The following MARCHF1 variants were observed in gnomAD, a reference collection of about 807,000 sequenced individuals.
The protein encoded by MARCHF1 is E3 ubiquitin-protein ligase MARCHF1.
MARCHF1 carries 40 observed loss-of-function variants against 54.2 expected under a neutral mutation model. The ratio of observed to expected loss-of-function variants is 0.74; its 90% CI spans 0.57 to 0.96. The LOEUF (loss-of-function observed/expected upper bound fraction) is 0.96. Ranked by LOEUF, MARCHF1 falls within the 40% of genes least tolerant of loss-of-function variation. MARCHF1 has a pLI of 0.00. For missense variants in MARCHF1, 586 were observed against 656.5 expected (o/e 0.89, Z 1.17); for synonymous variants, 236 against 236.3 (o/e 1.00, Z 0.01).
intron 5 of MARCHF1, among the ~76,000 whole-genome samples, chr4:163,669,661 C>A (rs1446281701): frequency 6.6e-6 from 1 of 150,640 alleles, no homozygotes; most frequent in Non-Finnish European, 1.5e-5. Flanking sequence ...TGCAATGGCA[C>A]AATCTTGGCT....
intron 1 of MARCHF1, among the ~76,000 whole-genome samples, chr4:164,342,473 A>C (rs1320475197): frequency 6.6e-6 from 1 of 151,988 alleles, no homozygotes; most frequent in East Asian, 1.9e-4. Flanking sequence ...ATGTATACAT[A>C]TGTAACAAAC....
At chr4:163,990,257 G>T (rs575424098) in intron 2 of MARCHF1, among the ~76,000 whole-genome samples, 13 of 151,986 alleles carry the variant, frequency 8.6e-5, no homozygotes, top group Non-Finnish European at 1.8e-4. Flanking sequence ...CATCCATCAA[G>T]ATCAGCTAGG....
At chr4:164,211,331 GTATATATA>G (rs10604337) in intron 1 of MARCHF1, among the ~76,000 whole-genome samples, 71 of 115,980 alleles carry the variant, frequency 6.1e-4, no homozygotes, top group African/African-American at 1.9e-3. Flanking sequence ...ATGTATGTAT[GTATATATA>G]TATATATATA....
rs33998703 is a variant in MARCHF1, at chr4:164,045,511, T to TTAAATAAATAAA, written c.-247-56814_-247-56803dup. 5.5e-3 allele frequency among the ~76,000 whole-genome samples: 795 copies of TTAAATAAATAAA among 145,422 alleles called. 11 individuals are homozygous for TTAAATAAATAAA. The highest frequency in any genetic ancestry group is 0.019 in the African/African-American group (736 of 39,250). On this transcript the variant is annotated intron_variant, in intron 2 of 9. Transcript: ENST00000514618. ...TGGGTGGTGGAGTGAGACTCCATCT[T>TTAAATAAATAAA]TAAATAAATAAATAAATAAATAAAT...
intron 1 of MARCHF1, among the ~76,000 whole-genome samples, chr4:164,277,668 T>C (rs537451994): frequency 1.9e-4 from 29 of 152,254 alleles, no homozygotes; most frequent in Non-Finnish European, 3.2e-4. Flanking sequence ...CCATTTATTA[T>C]ATGCTCACAT....
chr4:163,797,513 A>C (rs908898200), intron 4 of MARCHF1, among the ~76,000 whole-genome samples: 1 of 151,916 alleles, frequency 6.6e-6, no homozygotes, highest in Non-Finnish European at 1.5e-5. Flanking sequence ...CTCAGGATAG[A>C]TTGGTATATA....
intron 4 of MARCHF1, among the ~76,000 whole-genome samples, chr4:163,813,797 G>T (rs959721880): frequency 6.6e-6 from 1 of 152,172 alleles, no homozygotes; most frequent in African/African-American, 2.4e-5. Flanking sequence ...GAGAAGCTGA[G>T]TGTTGGGAGA....
chr4:163,737,952 A>C, intron 4 of MARCHF1, among the ~76,000 whole-genome samples: 1 of 76,492 alleles, frequency 1.3e-5, no homozygotes, highest in Admixed American at 1.3e-4. Flanking sequence ...CTAAAGACAC[A>C]TGCACACGTA....
chr4:163,670,576 T>C (rs1743702301), intron 5 of MARCHF1, among the ~76,000 whole-genome samples: 1 of 151,878 alleles, frequency 6.6e-6, no homozygotes, highest in South Asian at 2.1e-4. Context: ...CTTCTTGCTT[T>C]CTTTTCTTTT....
intron 2 of MARCHF1, among the ~76,000 whole-genome samples, chr4:164,038,444 G>T (rs1754057635): frequency 6.6e-6 from 1 of 152,192 alleles, no homozygotes; most frequent in African/African-American, 2.4e-5. Context: ...AGTGAGTGGA[G>T]ATTGTGCCAC....
chr4:163,546,941 T>C (rs949108761), intron 8 of MARCHF1, among the ~76,000 whole-genome samples: 3 of 152,228 alleles, frequency 2.0e-5, no homozygotes, highest in African/African-American at 7.2e-5. Flanking sequence ...TTTCTTTGCA[T>C]TCTTTCCATT....
At chr4:164,372,198 T>A (rs1027139701) in intron 1 of MARCHF1, among the ~76,000 whole-genome samples, 5 of 152,266 alleles carry the variant, frequency 3.3e-5, no homozygotes, top group African/African-American at 1.2e-4. Context: ...TCGTGATTAA[T>A]GATTACCTAG....
intron 4 of MARCHF1, among the ~76,000 whole-genome samples, chr4:163,768,522 G>A (rs966552087): frequency 6.6e-6 from 1 of 152,188 alleles, no homozygotes; most frequent in Non-Finnish European, 1.5e-5. Flanking sequence ...CATGAAGATT[G>A]TTCAGTTGCA....
intron 4 of MARCHF1, among the ~76,000 whole-genome samples, chr4:163,766,120 A>G (rs1373898853): frequency 6.6e-6 from 1 of 151,740 alleles, no homozygotes; most frequent in African/African-American, 2.4e-5. Context: ...ACAAGTTATA[A>G]AATAATAAAA....
chr4:164,020,995 T>C (rs898768910), intron 2 of MARCHF1, among the ~76,000 whole-genome samples: 15 of 152,086 alleles, frequency 9.9e-5, no homozygotes, highest in African/African-American at 2.7e-4. Context: ...GTTTTGTTTG[T>C]TTTAATTAAG....
At chr4:163,587,906 T>C (rs1740462288) in intron 7 of MARCHF1, among the ~76,000 whole-genome samples, 1 of 152,136 alleles carries the variant, frequency 6.6e-6, no homozygotes, top group Non-Finnish European at 1.5e-5. Context: ...TTCTTTCCTT[T>C]AAAGTGTATA....
At chr4:163,595,301 C>G (rs1314874241) in intron 7 of MARCHF1, among the ~76,000 whole-genome samples, 1 of 151,446 alleles carries the variant, frequency 6.6e-6, no homozygotes, top group Non-Finnish European at 1.5e-5. Context: ...TGCTTGAGCT[C>G]AGTTTGAGAC....
chr4:164,332,319 G>A (rs1300878674), intron 1 of MARCHF1, among the ~76,000 whole-genome samples: 1 of 152,122 alleles, frequency 6.6e-6, no homozygotes, highest in Non-Finnish European at 1.5e-5. Flanking sequence ...ATAATGCCAT[G>A]GTTGCTTTTA....
chr4:163,925,332 T>C (rs1486399372), intron 3 of MARCHF1, among the ~76,000 whole-genome samples: 1 of 151,788 alleles, frequency 6.6e-6, no homozygotes, highest in East Asian at 1.9e-4. Flanking sequence ...TTACCTCACT[T>C]TATAAAATGG....
Sources: allele counts gnomAD v4.1 joint callset (sites outside exome capture counted in the v4.1 genomes callset), GRCh38; gene constraint gnomAD v4.1.1; transcripts MANE v1.5; gene names NCBI Gene and HGNC (gene_info 2026-07-23, HGNC 2026-07-21).